ZFP14: variants seen among roughly 807,000 people sequenced by gnomAD.
ZFP14 encodes ZFP14 zinc finger protein, also known as zinc finger protein 14 homolog.
A neutral mutation model predicts 54.5 loss-of-function variants in ZFP14; 22 were observed. The observed-to-expected ratio is 0.40, with a 90% CI of 0.29 to 0.58. The LOEUF is 0.58. ZFP14 is among the 20% of genes least tolerant of loss of function. The pLI, the probability that ZFP14 is intolerant of heterozygous loss-of-function variation, is 0.39. For missense variants in ZFP14, 470 were observed against 637.8 expected (o/e 0.74, Z 2.83); for synonymous variants, 159 against 204.0 (o/e 0.78, Z 1.88).
At chr19:36,346,365 T>C (rs1056183890) in intron 4 of ZFP14, among the ~76,000 whole-genome samples, 1 of 151,542 alleles carries the variant, frequency 6.6e-6, no homozygotes, top group African/African-American at 2.4e-5. Flanking sequence ...CAGTGGAACA[T>C]AACCATTAGC....
At chr19:36,373,211 A>T (rs2031906584) in intron 1 of ZFP14, among the ~76,000 whole-genome samples, 2 of 150,566 alleles carry the variant, frequency 1.3e-5, no homozygotes, top group Non-Finnish European at 3.0e-5. Flanking sequence ...CGGGAGGCGG[A>T]GGTTGTGGTG....
At chr19:36,361,727 C>A (rs2031714834) in intron 3 of ZFP14, among the ~76,000 whole-genome samples, 1 of 152,208 alleles carries the variant, frequency 6.6e-6, no homozygotes, top group Non-Finnish European at 1.5e-5. Context: ...TTTCTGGATC[C>A]ATCTCACACT....
At chr19:36,363,313 C>A (rs1024430709) in intron 2 of ZFP14, among the ~76,000 whole-genome samples, 1 of 151,314 alleles carries the variant, frequency 6.6e-6, no homozygotes, top group South Asian at 2.1e-4. Context: ...CCTGCCTCAG[C>A]CTCCCAAGTA....
In ZFP14 at chr19:36,340,335, TTGAG is replaced by T; in HGVS notation, c.1487_1490del (p.Thr496AsnfsTer57). 2 of 1,614,074 alleles carry T rather than the reference TTGAG, an allele frequency of 1.2e-6. No individual in the cohort carries two copies. Among genetic ancestry groups the T allele is most frequent in the Non-Finnish European group, 1.7e-6 (2 of 1,180,014 alleles). On this transcript the variant is annotated frameshift_variant, in exon 5 of 5. Transcript: ENST00000270001. LOFTEE classifies it high-confidence loss of function. The surrounding 1 kb of genome is among the most constrained non-coding windows in gnomAD (Gnocchi z 5.4). ...TCTCACCAGTATGAATTCTCTGGTG[TTGAG>T]TAAGAAATGAATAAAGTCTAAAAGC...
At chr19:36,352,517 C>G (rs920361820) in intron 4 of ZFP14, among the ~76,000 whole-genome samples, 1 of 143,254 alleles carries the variant, frequency 7.0e-6, no homozygotes, top group Non-Finnish European at 1.5e-5. Flanking sequence ...ACAAAAATGA[C>G]TGGGCACAGT....
intron 1 of ZFP14, among the ~76,000 whole-genome samples, chr19:36,375,627 G>C (rs2031949212): frequency 6.7e-6 from 1 of 149,954 alleles, no homozygotes; most frequent in Non-Finnish European, 1.5e-5. Context: ...GTGCGACCTC[G>C]GCTCACTGCA....
At chr19:36,362,033 G>A in intron 3 of ZFP14, 79 bp downstream of exon 3, 1 of 1,482,638 alleles carries the variant, frequency 6.7e-7, no homozygotes, top group Non-Finnish European at 9.0e-7. Context: ...ATAGAAAGTA[G>A]TTTTAGAGAG....
In ZFP14 at chr19:36,340,233, A is replaced by G. The variant is rs2145537816; in HGVS notation, c.1593T>C (p.Asn531=). The change falls in exon 5 of 5, where the codon AAT becomes AAC. Residue 531 remains asparagine, a synonymous_variant. Coordinates refer to ENST00000270001, the MANE Select transcript of ZFP14 (RefSeq NM_020917.3). The surrounding 1 kb of genome is among the most constrained non-coding windows in gnomAD (Gnocchi z 5.4). ...SHLTQHQKIH[N]GI is the part of the protein sequence containing the mutation. ...TGAAGGCTTTCTTCTATTAAATTCC[A>G]TTATGAATCTTCTGATGCTGAGTAA... The G allele has an allele frequency of 1.3e-6, 2 of 1,566,738 alleles. No homozygotes were observed. Among genetic ancestry groups the G allele is most frequent in the East Asian group, 2.3e-5 (1 of 44,310 alleles).
At chr19:36,356,528 T>C (rs1030520540) in intron 4 of ZFP14, among the ~76,000 whole-genome samples, 1 of 152,128 alleles carries the variant, frequency 6.6e-6, no homozygotes, top group Non-Finnish European at 1.5e-5. Context: ...TGCATAGCTC[T>C]ATGCAATTTT....
chr19:36,365,281 A>C (rs1012148283), intron 2 of ZFP14, among the ~76,000 whole-genome samples: 6 of 152,140 alleles, frequency 3.9e-5, no homozygotes, highest in African/African-American at 1.2e-4. Flanking sequence ...GGGTCAGTAC[A>C]CACACAACAT....
At chr19:36,363,133 G>T (rs1442382778) in intron 2 of ZFP14, among the ~76,000 whole-genome samples, 1 of 150,066 alleles carries the variant, frequency 6.7e-6, no homozygotes, top group African/African-American at 2.5e-5. Flanking sequence ...ACTGAATCAT[G>T]AAGATATCAT....
intron 2 of ZFP14, among the ~76,000 whole-genome samples, 178 bp downstream of exon 2, chr19:36,367,706 C>T (rs1241686444): frequency 6.6e-6 from 1 of 152,080 alleles, no homozygotes; most frequent in African/African-American, 2.4e-5. Context: ...TCAAGTGATC[C>T]GCCTGCCTCG....
chr19:36,351,892 A>G (rs1190698344), intron 4 of ZFP14, among the ~76,000 whole-genome samples: 2 of 142,856 alleles, frequency 1.4e-5, no homozygotes, highest in African/African-American at 2.6e-5. Context: ...TAAAGATTCT[A>G]TTAAGATCCG....
At position 36,338,968 on chromosome 19, in the gene ZFP14, T is replaced by C. The variant is rs1182358559; in HGVS notation, c.*1256A>G. The C allele has an allele frequency of 6.6e-6, 1 of 152,240 alleles. No individual in the cohort carries two copies. Among genetic ancestry groups the C allele is most frequent in the Non-Finnish European group, 1.5e-5 (1 of 68,042 alleles). The allele number at this position is 152,240 out of a possible 1,614,324, so 9.4% of individuals were successfully genotyped here. ...TCAGACAACAGGGATTGTAAGCCTT[T>C]TGCTTTCTGGAATTATGGGAAAATC... is the stretch of plus-strand genomic sequence containing the variant. On this transcript the variant is annotated 3_prime_UTR_variant, in exon 5 of 5. Coordinates refer to ENST00000270001, the MANE Select transcript of ZFP14 (RefSeq NM_020917.3).
At chr19:36,350,137 CAAAA>C (rs74174404) in intron 4 of ZFP14, among the ~76,000 whole-genome samples, 2 of 126,552 alleles carry the variant, frequency 1.6e-5, no homozygotes, top group African/African-American at 3.0e-5. Flanking sequence ...ACAAAACAAA[CAAAA>C]AAAAAAAACA....
intron 2 of ZFP14, among the ~76,000 whole-genome samples, chr19:36,363,193 T>TCTTTC (rs1440875803): frequency 7.5e-6 from 1 of 134,202 alleles, no homozygotes; most frequent in East Asian, 2.1e-4. Flanking sequence ...TCTTTTCTTT[T>TCTTTC]TTTTTTTTTT....
chr19:36,340,975 T>C lies in ZFP14; in HGVS notation c.851A>G (p.Tyr284Cys). 1 of 1,614,174 alleles carries C rather than the reference T, an allele frequency of 6.2e-7. No homozygotes were observed. The highest frequency in any genetic ancestry group is 8.5e-7 in the Non-Finnish European group (1 of 1,180,032). The change falls in exon 5 of 5, where the codon TAT (tyrosine) becomes TGT (cysteine). Residue 284 changes from tyrosine (Y) to cysteine (C), a missense_variant. Physicochemically the swap from Tyr to Cys is radical, Grantham distance 194. Transcript: ENST00000270001. The surrounding 1 kb of genome is among the most constrained non-coding windows in gnomAD (Gnocchi z 5.4). Reference sequence around the variant, plus strand: ...GGTCTTTCCACAGTCCTTACATTCATAGGGTTTCTCACCAGTGTGAATTCT... The same window carrying C: ...GGTCTTTCCACAGTCCTTACATTCACAGGGTTTCTCACCAGTGTGAATTCT... ...HQRIHTGEKP[Y>C]ECKDCGKTFR...
intron 1 of ZFP14, among the ~76,000 whole-genome samples, chr19:36,374,851 A>G (rs1276236163): frequency 6.6e-6 from 1 of 152,204 alleles, no homozygotes; most frequent in Non-Finnish European, 1.5e-5. Context: ...AAATACTTCA[A>G]ATAAGACTTT....
intron 4 of ZFP14, among the ~76,000 whole-genome samples, chr19:36,348,299 C>T (rs1480876672): frequency 6.6e-6 from 1 of 152,128 alleles, no homozygotes; most frequent in African/African-American, 2.4e-5. Context: ...TGGGTCGATA[C>T]TTCTGTTTGA....
Sources: gnomAD v4.1 joint callset for allele counts (sites outside exome capture counted in the v4.1 genomes callset) on GRCh38, gnomAD v4.1.1 for gene constraint, Gnocchi (gnomAD v3.1) non-coding constraint, MANE v1.5 for transcripts, NCBI Gene and HGNC (gene_info 2026-07-23, HGNC 2026-07-21) for gene names.